The following WNT9B variants were observed in gnomAD, a reference collection of about 807,000 sequenced individuals.
WNT9B encodes the protein protein Wnt-9b.
WNT9B carries 12 observed loss-of-function variants against 30.2 expected under a neutral mutation model. That is an observed-to-expected ratio of 0.40 (90% CI 0.26 to 0.64). WNT9B has a LOEUF of 0.64. Ranked by LOEUF, WNT9B falls within the 30% of genes least tolerant of loss-of-function variation. The pLI, the probability that WNT9B is intolerant of heterozygous loss-of-function variation, is 0.42. For missense variants in WNT9B, 442 were observed against 485.2 expected, an observed-to-expected ratio of 0.91 and a Z score of 0.84; for synonymous variants, 218 against 216.9, an observed-to-expected ratio of 1.01 and a Z score of -0.05.
chr17:46,860,413 C>A (rs2085016990), intron 1 of WNT9B, among the ~76,000 whole-genome samples: 1 of 152,124 alleles, frequency 6.6e-6, no homozygotes, highest in African/African-American at 2.4e-5. Flanking sequence ...TCGGACATGG[C>A]CCAAGGCCCT....
At chr17:46,871,506 G>C (rs2085243648) in intron 1 of WNT9B, among the ~76,000 whole-genome samples, 2 of 152,136 alleles carry the variant, frequency 1.3e-5, no homozygotes, top group South Asian at 4.1e-4. Context: ...CTTAGCTGGA[G>C]AGTAAAGCAT....
At chr17:46,870,904 C>CTTTTTTTTTTTTTTTTTTTTTTTT (rs144277402) in intron 1 of WNT9B, among the ~76,000 whole-genome samples, 6 of 78,388 alleles carry the variant, frequency 7.7e-5, no homozygotes, top group African/African-American at 2.5e-4. Flanking sequence ...TCCACCTTTG[C>CTTTTTTTTTTTTTTTTTTTTTTTT]TTTTTTTTTT....
In WNT9B at chr17:46,875,256, G is replaced by A; in HGVS notation, c.490G>A (p.Asp164Asn). 1 of 1,614,204 alleles carries A rather than the reference G, an allele frequency of 6.2e-7. No individual in the cohort carries two copies. The highest frequency in any genetic ancestry group is 8.5e-7 in the Non-Finnish European group (1 of 1,180,032). ...RQAWQWGVCG[D>N]NLKYSTKFLS... is the part of the protein sequence containing the mutation. ...GGCCTGGCAGTGGGGCGTGTGCGGT[G>A]ACAACCTCAAGTACAGCACCAAGTT... The change falls in exon 3 of 4, where the codon GAC becomes AAC. Residue 164 changes from aspartate (D) to asparagine (N), a missense_variant. Transcript: ENST00000290015.
upstream of WNT9B, among the ~76,000 whole-genome samples, chr17:46,848,651 A>T (rs2084804497): frequency 6.6e-6 from 1 of 152,234 alleles, no homozygotes; most frequent in Admixed American, 6.5e-5. Context: ...GATGCTCTGT[A>T]AGGATGTATA....
intron 1 of WNT9B, among the ~76,000 whole-genome samples, chr17:46,871,509 T>C (rs912496894): frequency 5.3e-5 from 8 of 151,994 alleles, no homozygotes; most frequent in Non-Finnish European, 5.9e-5. Context: ...AGCTGGAGAG[T>C]AAAGCATCTT....
In WNT9B at chr17:46,875,270, C is replaced by T. The variant is rs897502010; in HGVS notation, c.504C>T (p.Tyr168=). The change falls in exon 3 of 4, where the codon TAC becomes TAT. Residue 168 remains tyrosine, a synonymous_variant. Coordinates refer to ENST00000290015, the MANE Select transcript of WNT9B (RefSeq NM_003396.3). ...QWGVCGDNLK[Y]STKFLSNFLG... is the part of the protein sequence containing the mutation. The stretch of plus-strand genomic sequence containing the variant: ...GCGTGTGCGGTGACAACCTCAAGTA[C>T]AGCACCAAGTTTCTGAGCAACTTCC... 2.5e-6 allele frequency: 4 copies of T among 1,614,208 alleles called. No homozygotes were observed. The highest frequency in any genetic ancestry group is 3.3e-5 in the Admixed American group (2 of 60,022).
At chr17:46,847,995 T>TGTGTGTGC (rs746347823), upstream of WNT9B, among the ~76,000 whole-genome samples, 3 of 149,424 alleles carry the variant, frequency 2.0e-5, no homozygotes, top group Admixed American at 6.7e-5. Flanking sequence ...TGTGTGTGTG[T>TGTGTGTGC]GCACGTGCAT....
chr17:46,834,352 CTTCTGGG>C (rs1050263765), intron 1 of WNT9B, among the ~76,000 whole-genome samples: 4 of 152,092 alleles, frequency 2.6e-5, no homozygotes, highest in African/African-American at 9.7e-5. Context: ...GGAGGGAGGC[CTTCTGGG>C]TTCTGCCTCT....
At chr17:46,871,084 T>G (rs2085236446) in intron 1 of WNT9B, among the ~76,000 whole-genome samples, 1 of 151,934 alleles carries the variant, frequency 6.6e-6, no homozygotes, top group Non-Finnish European at 1.5e-5. Flanking sequence ...ATAATTTTTC[T>G]ATTTTTAGTA....
Position 46,858,684 on chromosome 17 carries a change from A to G in WNT9B, c.77+6969A>G, listed in dbSNP as rs900488662. 7.2e-5 allele frequency among the ~76,000 whole-genome samples: 11 copies of G among 152,306 alleles called. No individual in the cohort carries two copies. The East Asian group carries it at 2.1e-3, about 29-fold the overall frequency. ...CAGGGCCATTCCTCCAGAACCATGT[A>G]GGATGGGTGTAAATAGTTCTCACAA... On this transcript the variant is annotated intron_variant, in intron 1 of 3. Coordinates refer to ENST00000290015, the MANE Select transcript of WNT9B (RefSeq NM_003396.3).
Position 46,878,514 on chromosome 17 carries a change from T to C in WNT9B, c.*1796T>C, listed in dbSNP as rs2085379948. On this transcript the variant is annotated 3_prime_UTR_variant, in exon 4 of 4. Transcript: ENST00000290015. Reference sequence around the variant, plus strand: ...GCCCCTCTCGTTAAAATGACATTGCTGACCCAAGCACCTGGCCCACACCTT... The same window carrying C: ...GCCCCTCTCGTTAAAATGACATTGCCGACCCAAGCACCTGGCCCACACCTT... 6.6e-6 allele frequency among the ~76,000 whole-genome samples: 1 copy of C among 152,206 alleles called. No homozygotes were observed. The highest frequency in any genetic ancestry group is 2.1e-4 in the South Asian group (1 of 4,834).
chr17:46,855,446 G>A (rs529794165), intron 1 of WNT9B, among the ~76,000 whole-genome samples: 82 of 152,226 alleles, frequency 5.4e-4, no homozygotes, highest in Non-Finnish European at 8.4e-4. Context: ...CCTGGCTCTG[G>A]GACACTCTCT....
intron 1 of WNT9B, among the ~76,000 whole-genome samples, chr17:46,838,490 G>C (rs1033595824): frequency 6.6e-6 from 1 of 151,972 alleles, no homozygotes; most frequent in Non-Finnish European, 1.5e-5. Context: ...AGCTGGGCAT[G>C]GTGGTATTCG....
Position 46,876,170 on chromosome 17 carries a change from G to T in WNT9B, c.601-75G>T. ...ATTCTCCTGCCTCTGCCCTGCTGGG[G>T]TTGGTGCTCTGGGGGCAGGCTCTGG... On this transcript the variant is annotated intron_variant, in intron 3 of 3. Coordinates refer to ENST00000290015, the MANE Select transcript of WNT9B (RefSeq NM_003396.3). The T allele has an allele frequency of 2.9e-6, 4 of 1,387,140 alleles. No homozygotes were observed. The South Asian group carries it at 5.6e-5, about 20-fold the overall frequency. 85.9% of individuals were successfully genotyped at this position (1,387,140 alleles called of 1,614,324 possible). A position where few individuals can be genotyped will look rare whatever the true frequency, so the allele number is the denominator to read the frequency against.
chr17:46,847,513 C>T (rs117781400), upstream of WNT9B, among the ~76,000 whole-genome samples: 129 of 152,290 alleles, frequency 8.5e-4, 1 homozygote, highest in East Asian at 0.022. Flanking sequence ...CTCAGCCAGT[C>T]ATCATAAGGC....
Position 46,877,198 on chromosome 17 carries a change from C to A in WNT9B, c.*480C>A. The A allele has an allele frequency of 1.9e-6, 1 of 536,204 alleles. No homozygotes were observed. The highest frequency in any genetic ancestry group is 2.4e-6 in the Non-Finnish European group (1 of 419,802). The allele number at this position is 536,204 out of a possible 1,614,324, so 33.2% of individuals were successfully genotyped here. A position where few individuals can be genotyped will look rare whatever the true frequency, so the allele number is the denominator to read the frequency against. The stretch of plus-strand genomic sequence containing the variant: ...GAGATGGGTCAATCGGGTCCTGTGG[C>A]CCTGCTCAGGTGCAGTGGGCTCCAG... On this transcript the variant is annotated 3_prime_UTR_variant, in exon 4 of 4. Coordinates refer to ENST00000290015, the MANE Select transcript of WNT9B (RefSeq NM_003396.3).
intron 2 of WNT9B, 22 bp downstream of exon 2, chr17:46,872,795 C>CCG: frequency 2.5e-6 from 2 of 788,926 alleles, no homozygotes; most frequent in South Asian, 2.0e-5. Context: ...GGCTAGGGGA[C>CCG]GGGGAGGGCT....
At chr17:46,864,853 C>T (rs2085105188) in intron 1 of WNT9B, among the ~76,000 whole-genome samples, 1 of 152,158 alleles carries the variant, frequency 6.6e-6, no homozygotes, top group South Asian at 2.1e-4. Flanking sequence ...ATGCCCTTGC[C>T]CTCCTGCTTC....
chr17:46,882,364 C>T (rs924299692), downstream of WNT9B, among the ~76,000 whole-genome samples: 5 of 152,180 alleles, frequency 3.3e-5, no homozygotes, highest in East Asian at 1.9e-4. Context: ...TTTGCCTGAT[C>T]GTTTCCTTGT....
Sources: allele counts gnomAD v4.1 joint callset (sites outside exome capture counted in the v4.1 genomes callset), GRCh38; gene constraint gnomAD v4.1.1; transcripts MANE v1.5; gene names NCBI Gene and HGNC (gene_info 2026-07-23, HGNC 2026-07-21).